RPH3A: variants seen among roughly 807,000 people sequenced by gnomAD.
RPH3A encodes rabphilin 3A, also known as rabphilin-3A.
Under a neutral mutation model 102.2 loss-of-function variants are expected in RPH3A, and 48 were observed. The observed-to-expected ratio is 0.47, with a 90% CI of 0.37 to 0.60. The LOEUF (loss-of-function observed/expected upper bound fraction) is 0.60. RPH3A is among the 20% of genes least tolerant of loss of function. The probability of loss-of-function intolerance (pLI) is 0.00; values close to 1 mark genes in which losing one functional copy is unlikely to be tolerated. For synonymous variants in RPH3A, 310 were observed against 324.3 expected, an observed-to-expected ratio of 0.96 and a Z score of 0.47; for missense variants, 781 against 910.1, an observed-to-expected ratio of 0.86 and a Z score of 1.83.
intron 1 of RPH3A, among the ~76,000 whole-genome samples, chr12:112,720,665 G>T (rs1035804340): frequency 1.3e-5 from 2 of 152,178 alleles, no homozygotes; most frequent in Non-Finnish European, 2.9e-5. Flanking sequence ...CCTGGGACTA[G>T]TAGGCCATAC....
chr12:112,669,758 A>G (rs1038942340), intron 1 of RPH3A, among the ~76,000 whole-genome samples: 4 of 152,170 alleles, frequency 2.6e-5, no homozygotes, highest in African/African-American at 9.7e-5. Context: ...TTGCTAATAT[A>G]TCTTGTACGT....
chr12:112,859,582 C>T (rs908806038), intron 5 of RPH3A, among the ~76,000 whole-genome samples: 3 of 152,140 alleles, frequency 2.0e-5, no homozygotes, highest in Non-Finnish European at 2.9e-5. Context: ...TTCAGGTGAG[C>T]ATGTTTCAAA....
At chr12:112,712,532 A>G (rs2040469574) in intron 1 of RPH3A, among the ~76,000 whole-genome samples, 1 of 152,186 alleles carries the variant, frequency 6.6e-6, no homozygotes, top group Non-Finnish European at 1.5e-5. Flanking sequence ...CCATGTACTC[A>G]CCATCCAGTT....
At chr12:112,854,368 C>T (rs368728668) in intron 5 of RPH3A, among the ~76,000 whole-genome samples, 25 of 152,226 alleles carry the variant, frequency 1.6e-4, no homozygotes, top group African/African-American at 5.5e-4. Context: ...ATAATCACAA[C>T]GGACAACTCT....
At chr12:112,856,564 ATGTGTGGATGCATGTGTCATCTG>A (rs1430797980) in intron 5 of RPH3A, among the ~76,000 whole-genome samples, 1 of 151,594 alleles carries the variant, frequency 6.6e-6, no homozygotes, top group Admixed American at 6.6e-5. Context: ...GTGGATATAT[ATGTGTGGATGCATGTGTCATCTG>A]TGTGTGTGTG....
At chr12:112,585,945 C>T (rs1171525219) in intron 1 of RPH3A, among the ~76,000 whole-genome samples, 2 of 152,108 alleles carry the variant, frequency 1.3e-5, no homozygotes, top group African/African-American at 4.8e-5. Flanking sequence ...CCCAGAAATT[C>T]TGTGGGACCA....
intron 17 of RPH3A, 150 bp from the exon 18 acceptor site, chr12:112,889,874 A>G: frequency 1.5e-6 from 1 of 685,906 alleles, no homozygotes; most frequent in Non-Finnish European, 2.6e-6. Flanking sequence ...TTTTAGCTAA[A>G]AGGGAGAATG....
At chr12:112,743,415 A>AG in intron 1 of RPH3A, among the ~76,000 whole-genome samples, 1 of 152,334 alleles carries the variant, frequency 6.6e-6, no homozygotes, top group South Asian at 2.1e-4. Flanking sequence ...AGAGAGATGC[A>AG]GGGGTTTTTC....
upstream of RPH3A, among the ~76,000 whole-genome samples, chr12:112,789,971 A>C (rs1458238763): frequency 6.6e-6 from 1 of 151,242 alleles, no homozygotes; most frequent in African/African-American, 2.4e-5. Context: ...GGGTGGGAGG[A>C]TCACTTAAGC....
intron 5 of RPH3A, among the ~76,000 whole-genome samples, chr12:112,861,819 C>G (rs972581530): frequency 6.6e-6 from 1 of 152,060 alleles, no homozygotes. Flanking sequence ...CGAGACCATC[C>G]TGGGTAGCAC....
intron 1 of RPH3A, among the ~76,000 whole-genome samples, chr12:112,599,347 T>C (rs774504175): frequency 6.6e-6 from 1 of 152,184 alleles, no homozygotes; most frequent in Non-Finnish European, 1.5e-5. Context: ...TAAAACTGAA[T>C]TTAAATTAAT....
At chr12:112,673,529 T>C (rs1380915913) in intron 1 of RPH3A, among the ~76,000 whole-genome samples, 1 of 150,280 alleles carries the variant, frequency 6.7e-6, no homozygotes. Context: ...TGGGTTCTTT[T>C]TTAAAAACTA....
intron 1 of RPH3A, among the ~76,000 whole-genome samples, chr12:112,676,940 G>T (rs1194656053): frequency 6.6e-6 from 1 of 152,150 alleles, no homozygotes; most frequent in Non-Finnish European, 1.5e-5. Flanking sequence ...CCTTGCTAAC[G>T]ATAAACACAC....
At position 112,898,597 on chromosome 12, in the gene RPH3A, C is replaced by G. The variant is rs2043224840; in HGVS notation, c.*1817C>G. 6.6e-6 allele frequency: 1 copy of G among 152,282 alleles called. No individual in the cohort carries two copies. The highest frequency in any genetic ancestry group is 1.5e-5 in the Non-Finnish European group (1 of 68,120). The allele number at this position is 152,282 out of a possible 1,614,324, so 9.4% of individuals were successfully genotyped here. A position where few individuals can be genotyped will look rare whatever the true frequency, so the allele number is the denominator to read the frequency against. On this transcript the variant is annotated 3_prime_UTR_variant, in exon 22 of 22. Coordinates refer to ENST00000389385, the MANE Select transcript of RPH3A (RefSeq NM_001143854.2). ...ATCTTTCCTTTTGACCTTATCTTTCCCCATTAGTCCCTGGTGGCACCTACT... is the reference window on the plus strand; with the variant it reads ...ATCTTTCCTTTTGACCTTATCTTTCGCCATTAGTCCCTGGTGGCACCTACT...
chr12:112,824,699 A>G (rs1454783806), intron 2 of RPH3A, among the ~76,000 whole-genome samples: 1 of 152,182 alleles, frequency 6.6e-6, no homozygotes, highest in Non-Finnish European at 1.5e-5. Flanking sequence ...AAGCTGAAAT[A>G]ACCAGGGCTG....
intron 5 of RPH3A, among the ~76,000 whole-genome samples, chr12:112,851,720 A>C (rs2042326048): frequency 1.3e-5 from 2 of 152,154 alleles, no homozygotes; most frequent in Non-Finnish European, 2.9e-5. Flanking sequence ...TTCACAACCC[A>C]GCTCTGTTCT....
In RPH3A at chr12:112,883,283, C is replaced by T. The variant is rs201918767; in HGVS notation, c.1327-10C>T. 606 of 1,609,766 alleles carry T rather than the reference C, an allele frequency of 3.8e-4. 4 individuals carry two copies. In the African/African-American group the frequency reaches 7.0e-3, roughly 19 times the overall value. ...GGTAGGTGTCTCTGTCCATCTCTCT[C>T]GGGCTCTAGTCCAACAAGCTTCGTA... is the stretch of plus-strand genomic sequence containing the variant. On this transcript the variant is annotated splice_polypyrimidine_tract_variant and intron_variant, in intron 15 of 21. Transcript: ENST00000389385.
At chr12:112,644,308 A>G (rs1284690817) in intron 1 of RPH3A, among the ~76,000 whole-genome samples, 10 of 152,310 alleles carry the variant, frequency 6.6e-5, no homozygotes, top group African/African-American at 2.4e-4. Flanking sequence ...AATGAAAGAT[A>G]TTGTTCAGAT....
At chr12:112,628,288 G>T (rs920913417) in intron 1 of RPH3A, among the ~76,000 whole-genome samples, 4 of 152,152 alleles carry the variant, frequency 2.6e-5, no homozygotes, top group African/African-American at 9.6e-5. Flanking sequence ...CCCTGAGGTT[G>T]GAGTCTGCCT....
Sources: gnomAD v4.1 joint callset for allele counts (sites outside exome capture counted in the v4.1 genomes callset) on GRCh38, gnomAD v4.1.1 for gene constraint, MANE v1.5 for transcripts, NCBI Gene and HGNC (gene_info 2026-07-23, HGNC 2026-07-21) for gene names.